EPHA5: variants seen among roughly 807,000 people sequenced by gnomAD.
The protein encoded by EPHA5 is EPH receptor A5, also known as ephrin type-A receptor 5.
Under a neutral mutation model 105.0 loss-of-function variants are expected in EPHA5, and 60 were observed. The observed-to-expected ratio is 0.57, with a 90% CI of 0.46 to 0.71. EPHA5 has a LOEUF of 0.71. Among genes scored for constraint, EPHA5 ranks in the 30% least tolerant of loss-of-function variants. EPHA5 has a pLI of 0.00. For synonymous variants in EPHA5, 513 were observed against 449.1 expected (o/e 1.14, Z -1.80); for missense variants, 1,218 against 1,274.7 (o/e 0.96, Z 0.68).
intron 5 of EPHA5, among the ~76,000 whole-genome samples, chr4:65,469,894 C>T (rs560418043): frequency 6.3e-4 from 96 of 151,998 alleles, no homozygotes; most frequent in Admixed American, 4.1e-3. Flanking sequence ...CTACTGTGTG[C>T]GCACAAAAAT....
intron 2 of EPHA5, among the ~76,000 whole-genome samples, chr4:65,627,865 G>A (rs186224958): frequency 6.6e-6 from 1 of 151,996 alleles, no homozygotes; most frequent in Non-Finnish European, 1.5e-5. Context: ...TGTTATAATT[G>A]ACCATCATGT....
At chr4:65,477,498 T>C (rs1413412062) in intron 5 of EPHA5, among the ~76,000 whole-genome samples, 1 of 151,992 alleles carries the variant, frequency 6.6e-6, no homozygotes, top group African/African-American at 2.4e-5. Flanking sequence ...GTGAAACCTC[T>C]GCCTCCCGGG....
chr4:65,611,769 T>G (rs894548343), intron 2 of EPHA5, among the ~76,000 whole-genome samples: 15 of 144,738 alleles, frequency 1.0e-4, no homozygotes, highest in Non-Finnish European at 1.7e-4. Flanking sequence ...CAACACAAAT[T>G]TCCATCGCAT....
chr4:65,345,768 C>A (rs1036573596), intron 14 of EPHA5, among the ~76,000 whole-genome samples: 9 of 110,356 alleles, frequency 8.2e-5, no homozygotes, highest in African/African-American at 2.0e-4. Flanking sequence ...TCTTCTTTTT[C>A]TTTTCTTTTC....
intron 3 of EPHA5, among the ~76,000 whole-genome samples, chr4:65,536,176 G>A (rs1357894858): frequency 6.6e-6 from 1 of 151,766 alleles, no homozygotes; most frequent in Non-Finnish European, 1.5e-5. Flanking sequence ...TACTTTGAAT[G>A]GGTGGATCTA....
chr4:65,423,148 C>T (rs926176069), intron 5 of EPHA5, among the ~76,000 whole-genome samples: 1 of 151,982 alleles, frequency 6.6e-6, no homozygotes, highest in African/African-American at 2.4e-5. Context: ...TAAGCAGTCT[C>T]TCAACTGGGA....
chr4:65,497,774 T>C (rs1732086681), intron 3 of EPHA5, among the ~76,000 whole-genome samples: 1 of 151,970 alleles, frequency 6.6e-6, no homozygotes, highest in African/African-American at 2.4e-5. Flanking sequence ...CAAAGGGAGC[T>C]TTGGAAATAT....
intron 11 of EPHA5, among the ~76,000 whole-genome samples, chr4:65,358,084 A>T (rs1723480586): frequency 6.6e-6 from 1 of 151,484 alleles, no homozygotes; most frequent in Non-Finnish European, 1.5e-5. Flanking sequence ...GTAAAATAGC[A>T]TTCCCCAATC....
chr4:65,508,445 A>G (rs1733284568), intron 3 of EPHA5, among the ~76,000 whole-genome samples: 1 of 152,140 alleles, frequency 6.6e-6, no homozygotes, highest in South Asian at 2.1e-4. Context: ...TAATGTTTTC[A>G]GTCATGAATA....
At chr4:65,449,036 T>G (rs546953051) in intron 5 of EPHA5, among the ~76,000 whole-genome samples, 1 of 152,068 alleles carries the variant, frequency 6.6e-6, no homozygotes, top group South Asian at 2.1e-4. Context: ...TTTATACTTG[T>G]CAAAGTAAGA....
At chr4:65,446,198 C>A (rs1182993335) in intron 5 of EPHA5, among the ~76,000 whole-genome samples, 3 of 152,028 alleles carry the variant, frequency 2.0e-5, no homozygotes, top group African/African-American at 4.8e-5. Context: ...TGCAATTGTA[C>A]CAATTGTCTA....
intron 8 of EPHA5, among the ~76,000 whole-genome samples, chr4:65,397,641 A>G (rs1027609756): frequency 3.3e-5 from 5 of 150,758 alleles, no homozygotes; most frequent in Non-Finnish European, 5.9e-5. Context: ...TCCTCTTTGT[A>G]TAATACTCAC....
intron 11 of EPHA5, among the ~76,000 whole-genome samples, chr4:65,362,048 A>C (rs1041320556): frequency 6.6e-6 from 1 of 151,688 alleles, no homozygotes; most frequent in Non-Finnish European, 1.5e-5. Flanking sequence ...TGAGTCAATT[A>C]AGCCAAGAAC....
At chr4:65,417,391 A>C (rs1187384629) in intron 6 of EPHA5, among the ~76,000 whole-genome samples, 1 of 152,214 alleles carries the variant, frequency 6.6e-6, no homozygotes, top group Non-Finnish European at 1.5e-5. Flanking sequence ...TTTTTTTTAT[A>C]AATGAAAGTC....
At position 65,670,264 on chromosome 4, in the gene EPHA5, C is replaced by T; in HGVS notation, c.-522G>A. ...TGGAGAATGAAAAACAGGAGAGCAGCGAGCAAAAGCAAAGATCCAGAGTTC... is the reference window on the plus strand; with the variant it reads ...TGGAGAATGAAAAACAGGAGAGCAGTGAGCAAAAGCAAAGATCCAGAGTTC... On this transcript the variant is annotated 5_prime_UTR_variant, in exon 1 of 17. Transcript: ENST00000613740. The T allele has an allele frequency of 4.3e-6, 1 of 233,928 alleles. No homozygotes were observed. The highest frequency in any genetic ancestry group is 8.4e-6 in the Non-Finnish European group (1 of 118,548). The allele number at this position is 233,928 out of a possible 1,614,324, so 14.5% of individuals were successfully genotyped here.
chr4:65,601,584 A>G (rs1743725837), intron 3 of EPHA5, 57 bp downstream of exon 3: 7 of 1,494,692 alleles, frequency 4.7e-6, no homozygotes, highest in Non-Finnish European at 6.4e-6. Context: ...GAGGAAATAC[A>G]TATACATGAT....
intron 11 of EPHA5, among the ~76,000 whole-genome samples, chr4:65,356,487 G>A (rs1723305654): frequency 6.6e-6 from 1 of 151,326 alleles, no homozygotes; most frequent in African/African-American, 2.4e-5. Context: ...TATATTTGGG[G>A]AAAAAAAGGG....
At chr4:65,331,511 A>G (rs1252868392) in intron 16 of EPHA5, 16 of 1,053,586 alleles carry the variant, frequency 1.5e-5, no homozygotes, top group Non-Finnish European at 1.7e-5. Context: ...AGATCCTGCC[A>G]GGGAAGCTTT....
intron 2 of EPHA5, among the ~76,000 whole-genome samples, chr4:65,626,197 A>G (rs1038086213): frequency 1.3e-5 from 2 of 152,150 alleles, no homozygotes; most frequent in Admixed American, 6.5e-5. Context: ...TTAGAAAAAA[A>G]TGGATTATGT....
Sources: allele counts gnomAD v4.1 joint callset (sites outside exome capture counted in the v4.1 genomes callset), GRCh38; gene constraint gnomAD v4.1.1; transcripts MANE v1.5; gene names NCBI Gene and HGNC (gene_info 2026-07-23, HGNC 2026-07-21).